ZNF146: variants seen among roughly 807,000 people sequenced by gnomAD.
The protein encoded by ZNF146 is zinc finger protein 146.
A neutral mutation model predicts 22.2 loss-of-function variants in ZNF146; 9 were observed. The observed-to-expected ratio is 0.41, with a 90% confidence interval of 0.24 to 0.71. The LOEUF (loss-of-function observed/expected upper bound fraction) is 0.71. ZNF146 is among the 30% of genes least tolerant of loss of function. ZNF146 has a pLI of 0.34. For missense variants in ZNF146, 194 were observed against 344.8 expected, an observed-to-expected ratio of 0.56 and a Z score of 3.46; for synonymous variants, 108 against 119.2, an observed-to-expected ratio of 0.91 and a Z score of 0.61.
chr19:36,235,735 A>G lies in ZNF146; in HGVS notation c.-706A>G, dbSNP rs1472897895. 1 of 152,256 alleles carries G rather than the reference A, an allele frequency of 6.6e-6. No individual in the cohort carries two copies. The highest frequency in any genetic ancestry group is 1.5e-5 in the Non-Finnish European group (1 of 68,080). The allele number at this position is 152,256 out of a possible 1,614,324, so 9.4% of individuals were successfully genotyped here. A position where few individuals can be genotyped will look rare whatever the true frequency, so the allele number is the denominator to read the frequency against. Reference sequence around the variant, plus strand: ...GCACCAGGACTTGGGAGGCATGTTGATCCATCTCCAGGAAAGACTGAGAAA... The same window carrying G: ...GCACCAGGACTTGGGAGGCATGTTGGTCCATCTCCAGGAAAGACTGAGAAA... On this transcript the variant is annotated 5_prime_UTR_variant, in exon 4 of 4. Transcript: ENST00000443387.
chr19:36,218,160 T>G lies in ZNF146; in HGVS notation c.-890T>G, dbSNP rs1976692642. 6.6e-6 allele frequency: 1 copy of G among 150,440 alleles called. No homozygotes were observed. The highest frequency in any genetic ancestry group is 6.7e-5 in the Admixed American group (1 of 15,034). 9.3% of individuals were successfully genotyped at this position (150,440 alleles called of 1,614,324 possible). On this transcript the variant is annotated 5_prime_UTR_variant, in exon 2 of 4. Transcript: ENST00000443387. ...AAGGAGCCAGACTTCCTGTGTTAAC[T>G]CCTTCCTCTGCCACTTTTTACCTTG...
chr19:36,234,228 A>G (rs1201855892), intron 3 of ZNF146, among the ~76,000 whole-genome samples: 2 of 152,148 alleles, frequency 1.3e-5, no homozygotes, highest in African/African-American at 4.8e-5. Context: ...ACAGCATCTC[A>G]AGGCAGAATA....
chr19:36,228,175 A>G (rs1223687179), intron 2 of ZNF146, among the ~76,000 whole-genome samples: 1 of 86,096 alleles, frequency 1.2e-5, no homozygotes, highest in African/African-American at 5.6e-5. Context: ...AAAAAAAAAA[A>G]AAGAAAGAAT....
intron 2 of ZNF146, among the ~76,000 whole-genome samples, chr19:36,226,810 G>A (rs942066516): frequency 3.1e-4 from 47 of 152,178 alleles, no homozygotes; most frequent in African/African-American, 1.0e-3. Flanking sequence ...TTTGGGCCAC[G>A]TGCAGTGGCT....
At chr19:36,228,174 A>AGAAAG (rs1555742406) in intron 2 of ZNF146, among the ~76,000 whole-genome samples, 5,357 of 144,270 alleles carry the variant, frequency 0.037, 337 homozygotes, top group African/African-American at 0.13. Flanking sequence ...AAAAAAAAAA[A>AGAAAG]AAAGAAAGAA....
intron 3 of ZNF146, among the ~76,000 whole-genome samples, chr19:36,234,924 T>C (rs1977581903): frequency 6.6e-6 from 1 of 152,052 alleles, no homozygotes; most frequent in Admixed American, 6.6e-5. Context: ...TTCCTTACAC[T>C]TTTTTTTCAG....
chr19:36,228,709 C>T (rs1977189321), intron 2 of ZNF146, 39 bp from the exon 3 acceptor site: 2 of 152,126 alleles, frequency 1.3e-5, no homozygotes, highest in Non-Finnish European at 2.9e-5. Context: ...ACTTTGGACC[C>T]AGCATTAACA....
At chr19:36,224,675 C>T (rs745713167) in intron 2 of ZNF146, among the ~76,000 whole-genome samples, 1 of 152,226 alleles carries the variant, frequency 6.6e-6, no homozygotes, top group East Asian at 1.9e-4. Flanking sequence ...TAGCTTGTCT[C>T]GTTCCAGAGG....
chr19:36,218,829 G>A lies in ZNF146; in HGVS notation c.-855+634G>A, dbSNP rs562054019. ...TTTCTTTTTTTTTGGTGGAGGGGGGGACAGAGTCTCGGTTTGTCGCCCAGG... is the reference window on the plus strand; with the variant it reads ...TTTCTTTTTTTTTGGTGGAGGGGGGAACAGAGTCTCGGTTTGTCGCCCAGG... On this transcript the variant is annotated intron_variant, in intron 2 of 3. Coordinates refer to ENST00000443387, the MANE Select transcript of ZNF146 (RefSeq NM_007145.3). 1.0e-4 allele frequency among the ~76,000 whole-genome samples: 14 copies of A among 140,438 alleles called. No homozygotes were observed. The East Asian group carries it at 1.1e-3, about 11-fold the overall frequency. The allele number at this position is 140,438 out of a possible 152,430, so 92.1% of individuals were successfully genotyped here.
chr19:36,219,108 A>G (rs546788443), intron 2 of ZNF146, among the ~76,000 whole-genome samples: 1 of 152,108 alleles, frequency 6.6e-6, no homozygotes, highest in East Asian at 1.9e-4. Flanking sequence ...GCGCCTGGCC[A>G]CTTAAAATTT....
rs189464498 is a variant in ZNF146, at chr19:36,232,028, C to G, written c.-783+3209C>G. Among the ~76,000 whole-genome samples the G allele has an allele frequency of 4.4e-4, 67 of 151,974 alleles. 1 individual carries two copies. The East Asian group carries it at 0.01, about 24-fold the overall frequency. On this transcript the variant is annotated intron_variant, in intron 3 of 3. Transcript: ENST00000443387. Reference sequence around the variant, plus strand: ...GACTGGCCTGGCCAACATGGTAAAACCCCGTTTCTATTAAAAATACAAAAA... The same window carrying G: ...GACTGGCCTGGCCAACATGGTAAAAGCCCGTTTCTATTAAAAATACAAAAA...
intron 1 of ZNF146, among the ~76,000 whole-genome samples, chr19:36,217,853 C>T: frequency 6.6e-6 from 1 of 151,138 alleles, no homozygotes; most frequent in African/African-American, 2.4e-5. Flanking sequence ...CCATTGCACT[C>T]CAACCTGGGC....
chr19:36,234,640 G>A (rs968033851), intron 3 of ZNF146, among the ~76,000 whole-genome samples: 1 of 152,100 alleles, frequency 6.6e-6, no homozygotes, highest in African/African-American at 2.4e-5. Context: ...CTCGTGATCC[G>A]CCCACCTCGG....
chr19:36,224,209 C>G (rs1036273099), intron 2 of ZNF146, among the ~76,000 whole-genome samples: 1 of 152,168 alleles, frequency 6.6e-6, no homozygotes, highest in Non-Finnish European at 1.5e-5. Context: ...TGGAGAAACC[C>G]TGTCTCTACT....
chr19:36,225,909 T>C (rs887844257), intron 2 of ZNF146, among the ~76,000 whole-genome samples: 2 of 151,922 alleles, frequency 1.3e-5, no homozygotes, highest in Admixed American at 1.3e-4. Context: ...TACAGGCATG[T>C]ACCACCCCAC....
intron 3 of ZNF146, among the ~76,000 whole-genome samples, chr19:36,231,112 A>G (rs753142018): frequency 1.3e-5 from 2 of 152,208 alleles, no homozygotes; most frequent in Non-Finnish European, 2.9e-5. Flanking sequence ...CGTGACCACA[A>G]CTGACTTTGG....
intron 3 of ZNF146, among the ~76,000 whole-genome samples, chr19:36,234,587 T>C (rs1001703933): frequency 1.3e-5 from 2 of 152,138 alleles, no homozygotes; most frequent in Non-Finnish European, 1.5e-5. Context: ...TTAGTAGAGA[T>C]GGGGTTTCAC....
At chr19:36,232,686 A>G (rs1339613738) in intron 3 of ZNF146, among the ~76,000 whole-genome samples, 5 of 147,410 alleles carry the variant, frequency 3.4e-5, no homozygotes, top group Admixed American at 2.1e-4. Context: ...TGGGCTCACT[A>G]CAACCTCCAC....
intron 2 of ZNF146, among the ~76,000 whole-genome samples, chr19:36,223,215 G>A (rs1429387561): frequency 6.6e-6 from 1 of 151,772 alleles, no homozygotes; most frequent in Non-Finnish European, 1.5e-5. Context: ...TCAGGAGTTT[G>A]AGACTAGCCC....
Sources: allele counts gnomAD v4.1 joint callset (sites outside exome capture counted in the v4.1 genomes callset), GRCh38; gene constraint gnomAD v4.1.1; transcripts MANE v1.5; gene names NCBI Gene and HGNC (gene_info 2026-07-23, HGNC 2026-07-21).